Variants in HS2ST1 observed in about 807,000 individuals in gnomAD.
HS2ST1 encodes heparan sulfate 2-O-sulfotransferase 1.
In HS2ST1, 18 loss-of-function variants were observed where a neutral mutation model predicts 42.9. That is an observed-to-expected ratio of 0.42 (90% CI 0.29 to 0.62). The LOEUF is 0.62. Ranked by LOEUF, HS2ST1 falls within the 20% of genes least tolerant of loss-of-function variation. HS2ST1 has a pLI of 0.21. For synonymous variants in HS2ST1, 146 were observed against 152.9 expected, an observed-to-expected ratio of 0.95 and a Z score of 0.33; for missense variants, 334 against 433.8, an observed-to-expected ratio of 0.77 and a Z score of 2.04.
chr1:87,073,666 A>G (rs549572552), intron 2 of HS2ST1, among the ~76,000 whole-genome samples: 1 of 152,290 alleles, frequency 6.6e-6, no homozygotes, highest in East Asian at 1.9e-4. Flanking sequence ...CTTACCTTTT[A>G]AATTCTCACG....
intron 1 of HS2ST1, among the ~76,000 whole-genome samples, chr1:86,919,298 T>C (rs1660241365): frequency 6.6e-6 from 1 of 152,200 alleles, no homozygotes; most frequent in Non-Finnish European, 1.5e-5. Context: ...TATGGTGTGT[T>C]TTGCTCATAT....
intron 1 of HS2ST1, among the ~76,000 whole-genome samples, chr1:87,044,676 T>C (rs1014789775): frequency 6.6e-6 from 1 of 152,246 alleles, no homozygotes; most frequent in South Asian, 2.1e-4. Context: ...ACATGCATTG[T>C]GTTGTTTTAT....
rs1420334017 is a variant in HS2ST1, at chr1:87,107,959, T to A, written c.*3263T>A. ...TGATTGGATTTAAGCTATTGAAAATTGGATAATTTAAACTTAATGATTTTT... is the reference window on the plus strand; with the variant it reads ...TGATTGGATTTAAGCTATTGAAAATAGGATAATTTAAACTTAATGATTTTT... On this transcript the variant is annotated 3_prime_UTR_variant, in exon 7 of 7. Transcript: ENST00000370550. The A allele has an allele frequency of 1.3e-5, 2 of 152,040 alleles. No individual in the cohort carries two copies. 9.4% of individuals were successfully genotyped at this position (152,040 alleles called of 1,614,324 possible). A position where few individuals can be genotyped will look rare whatever the true frequency, so the allele number is the denominator to read the frequency against.
At chr1:87,051,529 T>C (rs776364857) in intron 1 of HS2ST1, among the ~76,000 whole-genome samples, 3 of 152,242 alleles carry the variant, frequency 2.0e-5, no homozygotes, top group Non-Finnish European at 4.4e-5. Context: ...GTCTATTGTA[T>C]AGTAAATGTT....
chr1:87,099,361 G>A (rs1332947076), intron 5 of HS2ST1, among the ~76,000 whole-genome samples: 1 of 152,210 alleles, frequency 6.6e-6, no homozygotes, highest in African/African-American at 2.4e-5. Context: ...GCAGGAACAG[G>A]CATATCACAT....
intron 1 of HS2ST1, among the ~76,000 whole-genome samples, chr1:87,055,844 A>G (rs1650955589): frequency 6.6e-6 from 1 of 152,212 alleles, no homozygotes; most frequent in Non-Finnish European, 1.5e-5. Flanking sequence ...CCATTTTCAC[A>G]TAAGAATGTC....
intron 2 of HS2ST1, among the ~76,000 whole-genome samples, chr1:87,083,046 G>C (rs965163395): frequency 6.6e-6 from 1 of 152,152 alleles, no homozygotes; most frequent in Non-Finnish European, 1.5e-5. Flanking sequence ...TTCCCCTAAA[G>C]ATAAATTATC....
chr1:87,004,301 G>C (rs776486177), intron 1 of HS2ST1, among the ~76,000 whole-genome samples: 1 of 152,158 alleles, frequency 6.6e-6, no homozygotes, highest in Non-Finnish European at 1.5e-5. Flanking sequence ...TGAGGCAGTA[G>C]AAGTGTTTGA....
intron 1 of HS2ST1, among the ~76,000 whole-genome samples, chr1:87,068,574 G>C (rs1651313863): frequency 1.3e-5 from 2 of 152,082 alleles, no homozygotes; most frequent in Non-Finnish European, 2.9e-5. Flanking sequence ...GATTGCCCTG[G>C]CCAGAACTTC....
intron 1 of HS2ST1, among the ~76,000 whole-genome samples, chr1:87,022,848 A>C (rs1039274792): frequency 6.6e-6 from 1 of 152,228 alleles, no homozygotes; most frequent in Admixed American, 6.5e-5. Context: ...CATATTGGAA[A>C]GTGGTAGAGA....
At chr1:86,964,878 ACT>A (rs1169697903) in intron 1 of HS2ST1, among the ~76,000 whole-genome samples, 1 of 151,990 alleles carries the variant, frequency 6.6e-6, no homozygotes, top group East Asian at 1.9e-4. Context: ...TAGTAGATAC[ACT>A]CTCTTCATAT....
At chr1:86,960,568 A>G (rs1304984643) in intron 1 of HS2ST1, among the ~76,000 whole-genome samples, 1 of 152,258 alleles carries the variant, frequency 6.6e-6, no homozygotes, top group Non-Finnish European at 1.5e-5. Context: ...AAAAATATTC[A>G]GAGAACCCTT....
At chr1:87,029,553 A>G (rs1458602679) in intron 1 of HS2ST1, among the ~76,000 whole-genome samples, 1 of 152,224 alleles carries the variant, frequency 6.6e-6, no homozygotes, top group Non-Finnish European at 1.5e-5. Flanking sequence ...TTAGTGATAA[A>G]GCTGAGAAAA....
At chr1:86,990,843 T>G (rs1318174933) in intron 1 of HS2ST1, among the ~76,000 whole-genome samples, 1 of 31,682 alleles carries the variant, frequency 3.2e-5, no homozygotes, top group African/African-American at 7.6e-5. Flanking sequence ...TATATTTTTT[T>G]TTTTTTTTTT....
intron 1 of HS2ST1, among the ~76,000 whole-genome samples, chr1:86,929,410 C>G (rs1570427586): frequency 6.6e-6 from 1 of 151,820 alleles, no homozygotes; most frequent in African/African-American, 2.4e-5. Context: ...TTCTTTCCTT[C>G]CCTAGGAAGA....
At chr1:86,992,837 T>G (rs1479910133) in intron 1 of HS2ST1, among the ~76,000 whole-genome samples, 1 of 152,232 alleles carries the variant, frequency 6.6e-6, no homozygotes, top group Non-Finnish European at 1.5e-5. Flanking sequence ...AATGAAGACC[T>G]GAAGTAGCTG....
chr1:86,989,906 T>C (rs554794107), intron 1 of HS2ST1, among the ~76,000 whole-genome samples: 1 of 152,278 alleles, frequency 6.6e-6, no homozygotes, highest in South Asian at 2.1e-4. Context: ...GAACTCATCC[T>C]TTTTATGGCT....
At chr1:86,978,864 T>C (rs966696120) in intron 1 of HS2ST1, among the ~76,000 whole-genome samples, 7 of 141,038 alleles carry the variant, frequency 5.0e-5, no homozygotes, top group Non-Finnish European at 9.3e-5. Context: ...TGTGAATCTT[T>C]TTTTTTTTTT....
intron 1 of HS2ST1, among the ~76,000 whole-genome samples, chr1:86,919,713 A>C (rs1660250527): frequency 6.6e-6 from 1 of 152,162 alleles, no homozygotes; most frequent in African/African-American, 2.4e-5. Flanking sequence ...TGATTCCTTT[A>C]ATGGCAAGGA....
Sources: allele counts gnomAD v4.1 joint callset (sites outside exome capture counted in the v4.1 genomes callset), GRCh38; gene constraint gnomAD v4.1.1; transcripts MANE v1.5; gene names NCBI Gene and HGNC (gene_info 2026-07-23, HGNC 2026-07-21).